The following CALM3 variants were observed in gnomAD, a reference collection of about 807,000 sequenced individuals.
CALM3 encodes calmodulin-3.
Under a neutral mutation model 20.1 loss-of-function variants are expected in CALM3, and 5 were observed. The ratio of observed to expected loss-of-function variants is 0.25; its 90% confidence interval spans 0.13 to 0.52. The LOEUF is 0.52. CALM3 is among the 20% of genes least tolerant of loss of function. CALM3 has a pLI of 0.96. For synonymous variants in CALM3, 69 were observed against 68.1 expected (o/e 1.01, Z -0.06); for missense variants, 57 against 192.8 (o/e 0.30, Z 4.17).
upstream of CALM3, chr19:46,601,294 C>CGGG (rs957189404): frequency 1.4e-6 from 1 of 693,708 alleles, no homozygotes; most frequent in Non-Finnish European, 1.9e-6. The surrounding 1 kb of genome is among the most constrained non-coding windows in gnomAD (Gnocchi z 4.2). Flanking sequence ...ACCGTTGGGG[C>CGGG]GGGAGGCGGC....
intron 1 of CALM3, among the ~76,000 whole-genome samples, chr19:46,604,849 G>A (rs1161444531): frequency 1.3e-5 from 2 of 152,076 alleles, no homozygotes; most frequent in Non-Finnish European, 2.9e-5. Flanking sequence ...TGTGTCTTTT[G>A]GCTGCTAAAG....
chr19:46,606,664 C>T (rs1387916313), intron 2 of CALM3, among the ~76,000 whole-genome samples: 1 of 152,158 alleles, frequency 6.6e-6, no homozygotes, highest in African/African-American at 2.4e-5. Context: ...TCTCAGCAAG[C>T]TAGAAGAAAT....
At position 46,609,317 on chromosome 19, in the gene CALM3, GCT is replaced by G. The variant is rs1457014166; in HGVS notation, c.*167_*168del. 5.7e-6 allele frequency: 4 copies of G among 698,464 alleles called. No individual in the cohort carries two copies. The highest frequency in any genetic ancestry group is 1.0e-5 in the Non-Finnish European group (4 of 399,870). 43.3% of individuals were successfully genotyped at this position (698,464 alleles called of 1,614,324 possible). A position where few individuals can be genotyped will look rare whatever the true frequency, so the allele number is the denominator to read the frequency against. ...AAGATTTGTCCCAAGCTGCATGATT[GCT>G]CTTTCTCCTTCTTCCCTGAGTCTCT... On this transcript the variant is annotated 3_prime_UTR_variant, in exon 6 of 6. Transcript: ENST00000291295.
At chr19:46,601,237 T>A, upstream of CALM3, 1 of 261,424 alleles carries the variant, frequency 3.8e-6, no homozygotes, top group Non-Finnish European at 5.9e-6. The surrounding 1 kb of genome is among the most constrained non-coding windows in gnomAD (Gnocchi z 4.2). Context: ...GCGGGCCGGG[T>A]GGGGCGGGGC....
At chr19:46,607,313 C>T (rs779010177) in intron 2 of CALM3, among the ~76,000 whole-genome samples, 5 of 152,222 alleles carry the variant, frequency 3.3e-5, no homozygotes, top group Admixed American at 6.5e-5. Context: ...GCAACATAAA[C>T]GGTCTGCTTT....
intron 1 of CALM3, chr19:46,602,488 T>G: frequency 3.2e-6 from 1 of 313,938 alleles, no homozygotes; most frequent in Non-Finnish European, 6.3e-6. Context: ...TGGATGTGGG[T>G]AGCACCCTGC....
intron 2 of CALM3, among the ~76,000 whole-genome samples, chr19:46,607,301 G>A (rs1046520502): frequency 6.6e-6 from 1 of 152,168 alleles, no homozygotes; most frequent in Non-Finnish European, 1.5e-5. Flanking sequence ...CTCTGGCCTT[G>A]TGCAACATAA....
intron 2 of CALM3, among the ~76,000 whole-genome samples, chr19:46,607,202 C>T (rs944075503): frequency 2.6e-5 from 4 of 152,184 alleles, no homozygotes; most frequent in African/African-American, 7.2e-5. Context: ...CAAAGAGACT[C>T]TTGCCATGTC....
In CALM3 at chr19:46,601,377, C is replaced by G; in HGVS notation, c.-58C>G. On this transcript the variant is annotated 5_prime_UTR_variant, in exon 1 of 6. Transcript: ENST00000291295. This position sits in a 1 kb window ranked among gnomAD's most constrained non-coding sequence, Gnocchi z 4.2. Reference sequence around the variant, plus strand: ...CGCGGCGGAGCTGGAACTGCTGCAGCTGCTGCCGCCGCCGGAGGAACCTTG... The same window carrying G: ...CGCGGCGGAGCTGGAACTGCTGCAGGTGCTGCCGCCGCCGGAGGAACCTTG... 2 of 1,499,356 alleles carry G rather than the reference C, an allele frequency of 1.3e-6. No homozygotes were observed. Among genetic ancestry groups the G allele is most frequent in the Non-Finnish European group, 1.8e-6 (2 of 1,127,348 alleles). The allele number at this position is 1,499,356 out of a possible 1,614,324, so 92.9% of individuals were successfully genotyped here. A position where few individuals can be genotyped will look rare whatever the true frequency, so the allele number is the denominator to read the frequency against.
intron 1 of CALM3, chr19:46,602,042 G>C: frequency 1.6e-6 from 2 of 1,242,400 alleles, no homozygotes; most frequent in South Asian, 2.5e-5. Flanking sequence ...GGTGGGGGAG[G>C]GTGGGGGAGG....
chr19:46,602,262 T>G (rs1971640902), intron 1 of CALM3: 36 of 1,304,924 alleles, frequency 2.8e-5, no homozygotes, highest in Non-Finnish European at 3.6e-5. Flanking sequence ...TGGGGTTAAT[T>G]TGGAAGTAGC....
rs1971839100 is a variant in CALM3 at position 46,609,936 on chromosome 19, T to C, written c.*783T>C. The stretch of plus-strand genomic sequence containing the variant: ...CTCGAGCTGTTCTGTAAATACCTGG[T>C]GCTAACATCCCATGCCGCTCCCTCC... On this transcript the variant is annotated 3_prime_UTR_variant, in exon 6 of 6. Transcript: ENST00000291295. 1 of 152,742 alleles carries C rather than the reference T, an allele frequency of 6.5e-6. No homozygotes were observed. The highest frequency in any genetic ancestry group is 6.5e-5 in the Admixed American group (1 of 15,278). 9.5% of individuals were successfully genotyped at this position (152,742 alleles called of 1,614,324 possible).
rs1274089736 is a variant in CALM3, at chr19:46,608,893, G to A, written c.333G>A (p.Thr111=). Reference sequence around the variant, plus strand: ...CCGCAGAGCTGCGTCACGTAATGACGAACCTGGGGGAGAAGCTGACCGATG... The same window carrying A: ...CCGCAGAGCTGCGTCACGTAATGACAAACCTGGGGGAGAAGCTGACCGATG... The part of the protein sequence containing the change: ...ISAAELRHVM[T]NLGEKLTDEE... The change falls in exon 5 of 6, where the codon ACG becomes ACA. Residue 111 remains threonine, a synonymous_variant. Coordinates refer to ENST00000291295, the MANE Select transcript of CALM3 (RefSeq NM_005184.4). This position sits in a 1 kb window ranked among gnomAD's most constrained non-coding sequence, Gnocchi z 5.5. The A allele has an allele frequency of 6.2e-6, 10 of 1,604,746 alleles. No homozygotes were observed. Among genetic ancestry groups the A allele is most frequent in the East Asian group, 4.5e-5 (2 of 44,824 alleles).
intron 1 of CALM3, chr19:46,602,197 G>C (rs1343261385): frequency 2.2e-6 from 3 of 1,355,638 alleles, no homozygotes; most frequent in Non-Finnish European, 2.9e-6. Flanking sequence ...TCGTGGAGGT[G>C]GTGAAAAGGG....
In CALM3 at chr19:46,610,003, G is replaced by C. The variant is rs1397390394; in HGVS notation, c.*850G>C. 1.3e-5 allele frequency: 2 copies of C among 152,782 alleles called. No individual in the cohort carries two copies. Among genetic ancestry groups the C allele is most frequent in the East Asian group, 3.8e-4 (2 of 5,198 alleles). 9.5% of individuals were successfully genotyped at this position (152,782 alleles called of 1,614,324 possible). On this transcript the variant is annotated 3_prime_UTR_variant, in exon 6 of 6. Coordinates refer to ENST00000291295, the MANE Select transcript of CALM3 (RefSeq NM_005184.4). ...GCCCTGAGGGCCCGTCCTAGGAATGGATGTGGGGATGGTCGCTTTGTAATG... is the reference window on the plus strand; with the variant it reads ...GCCCTGAGGGCCCGTCCTAGGAATGCATGTGGGGATGGTCGCTTTGTAATG...
chr19:46,608,468 TC>T lies in CALM3; in HGVS notation c.179-10del. ...CAGGCCAAGAGCATTCTCCATCCTT[TC>T]CCCACCTTCCAGGGAACGGGACCAT... On this transcript the variant is annotated splice_polypyrimidine_tract_variant and intron_variant, in intron 3 of 5. Transcript: ENST00000291295. This position sits in a 1 kb window ranked among gnomAD's most constrained non-coding sequence, Gnocchi z 5.5. 2 of 1,612,752 alleles carry T rather than the reference TC, an allele frequency of 1.2e-6. No individual in the cohort carries two copies. The highest frequency in any genetic ancestry group is 1.7e-6 in the Non-Finnish European group (2 of 1,178,794).
At chr19:46,601,237 TG>T, upstream of CALM3, 1 of 261,426 alleles carries the variant, frequency 3.8e-6, no homozygotes, top group Non-Finnish European at 5.9e-6. The surrounding 1 kb of genome is among the most constrained non-coding windows in gnomAD (Gnocchi z 4.2). Flanking sequence ...GCGGGCCGGG[TG>T]GGGCGGGGCC....
In CALM3 at chr19:46,608,899, G is replaced by T. The variant is rs143699789; in HGVS notation, c.339G>T (p.Leu113=). 3.7e-6 allele frequency: 6 copies of T among 1,606,904 alleles called. No homozygotes were observed. In the South Asian group the frequency reaches 6.7e-5, roughly 18 times the overall value. The change falls in exon 5 of 6, where the codon CTG becomes CTT. Residue 113 remains leucine, a synonymous_variant. Coordinates refer to ENST00000291295, the MANE Select transcript of CALM3 (RefSeq NM_005184.4). The surrounding 1 kb of genome is among the most constrained non-coding windows in gnomAD (Gnocchi z 5.5). ...AAELRHVMTN[L]GEKLTDEEVD... The stretch of plus-strand genomic sequence containing the variant: ...AGCTGCGTCACGTAATGACGAACCT[G>T]GGGGAGAAGCTGACCGATGAGGAGG...
chr19:46,601,074 G>T, upstream of CALM3: 1 of 1,238,238 alleles, frequency 8.1e-7, no homozygotes, highest in Non-Finnish European at 1.1e-6. This position sits in a 1 kb window ranked among gnomAD's most constrained non-coding sequence, Gnocchi z 4.2. Flanking sequence ...GGCGGGGCGC[G>T]CGGCGAGGGA....
Sources: gnomAD v4.1 joint callset for allele counts (sites outside exome capture counted in the v4.1 genomes callset) on GRCh38, gnomAD v4.1.1 for gene constraint, Gnocchi (gnomAD v3.1) non-coding constraint, MANE v1.5 for transcripts, NCBI Gene and HGNC (gene_info 2026-07-23, HGNC 2026-07-21) for gene names.